RFX3: variants seen among roughly 807,000 people sequenced by gnomAD.
RFX3 encodes regulatory factor X3, also known as transcription factor RFX3.
RFX3 carries 14 observed loss-of-function variants against 98.6 expected under a neutral mutation model. That is an observed-to-expected ratio of 0.14 (90% CI 0.09 to 0.22). The LOEUF is 0.22. RFX3 is among the 10% of genes least tolerant of loss of function. The probability of loss-of-function intolerance (pLI) is 1.00; values close to 1 mark genes in which losing one functional copy is unlikely to be tolerated. For synonymous variants in RFX3, 383 were observed against 328.4 expected (o/e 1.17, Z -1.80); for missense variants, 639 against 926.9 (o/e 0.69, Z 4.03).
At chr9:3,455,687 T>C (rs1218221101) in intron 1 of RFX3, among the ~76,000 whole-genome samples, 1 of 152,204 alleles carries the variant, frequency 6.6e-6, no homozygotes, top group Non-Finnish European at 1.5e-5. Flanking sequence ...ATCTGAAAAG[T>C]TATTATTCTA....
At chr9:3,244,487 C>T (rs1820375912) in intron 15 of RFX3, among the ~76,000 whole-genome samples, 1 of 152,110 alleles carries the variant, frequency 6.6e-6, no homozygotes, top group Non-Finnish European at 1.5e-5. Context: ...TTGTCTGTTG[C>T]ATTTGACAGT....
chr9:3,364,127 G>A (rs1836780585), intron 2 of RFX3, among the ~76,000 whole-genome samples: 1 of 152,164 alleles, frequency 6.6e-6, no homozygotes, highest in Non-Finnish European at 1.5e-5. Context: ...GCGGGCCTCG[G>A]CCTCCCAAAG....
intron 7 of RFX3, among the ~76,000 whole-genome samples, chr9:3,279,541 A>T (rs897913343): frequency 6.6e-6 from 1 of 151,846 alleles, no homozygotes; most frequent in Admixed American, 6.6e-5. Context: ...TCTTTGTCCT[A>T]CAAAGCATTT....
At chr9:3,378,713 T>C (rs1838836626) in intron 2 of RFX3, among the ~76,000 whole-genome samples, 1 of 151,972 alleles carries the variant, frequency 6.6e-6, no homozygotes, top group Non-Finnish European at 1.5e-5. Context: ...TGCTCCACCA[T>C]GCCCATCTAA....
chr9:3,465,881 T>C (rs990861745), intron 1 of RFX3, among the ~76,000 whole-genome samples: 2 of 151,756 alleles, frequency 1.3e-5, no homozygotes, highest in African/African-American at 4.8e-5. Context: ...AAAATCAGGA[T>C]TTGAAAAAAA....
intron 1 of RFX3, among the ~76,000 whole-genome samples, chr9:3,401,242 G>A (rs1041482229): frequency 3.3e-5 from 5 of 152,298 alleles, no homozygotes; most frequent in African/African-American, 1.2e-4. Context: ...GAATGTTAAA[G>A]CATGTTTGAG....
At chr9:3,335,552 C>G (rs986823025) in intron 3 of RFX3, among the ~76,000 whole-genome samples, 2 of 152,144 alleles carry the variant, frequency 1.3e-5, no homozygotes, top group Admixed American at 1.3e-4. Context: ...CTGGACTGTA[C>G]ATTCCTGAAA....
At position 3,223,106 on chromosome 9, in the gene RFX3, T is replaced by A. The variant is rs958921529; in HGVS notation, c.*1936A>T. On this transcript the variant is annotated 3_prime_UTR_variant, in exon 17 of 17. Transcript: ENST00000617270. ...CCCAATACCACTGGAAAGATAAACA[T>A]CTTGGGTTTAATATAGGCCTCATTT... The A allele has an allele frequency of 2.0e-5, 3 of 147,826 alleles. No homozygotes were observed. Among genetic ancestry groups the A allele is most frequent in the Non-Finnish European group, 4.5e-5 (3 of 67,198 alleles). 9.2% of individuals were successfully genotyped at this position (147,826 alleles called of 1,614,324 possible).
intron 1 of RFX3, among the ~76,000 whole-genome samples, chr9:3,414,636 A>ATATATGAGTATATATATGTATATATGAG (rs1842744169): frequency 6.8e-6 from 1 of 146,544 alleles, no homozygotes; most frequent in African/African-American, 2.5e-5. Context: ...GAGTGTATAT[A>ATATATGAGTATATATATGTATATATGAG]TATATGAGTA....
At chr9:3,338,490 G>T (rs1400511773) in intron 3 of RFX3, among the ~76,000 whole-genome samples, 1 of 151,640 alleles carries the variant, frequency 6.6e-6, no homozygotes, top group African/African-American at 2.4e-5. Context: ...ATTTTGTAAG[G>T]ATCGGCACAT....
rs145371257 is a variant in RFX3 at position 3,294,400 on chromosome 9, A to G, written c.550-1142T>C. On this transcript the variant is annotated intron_variant, in intron 5 of 16. Transcript: ENST00000617270. ...TATTATAAATTATAGAAGCCAAAGA[A>G]TTCATTTATTGAGCACCAACCATGA... Among the ~76,000 whole-genome samples, 758 of 152,260 alleles carry G rather than the reference A, an allele frequency of 5.0e-3. 3 individuals carry two copies. Among genetic ancestry groups the G allele is most frequent in the Middle Eastern group, 0.01 (3 of 294 alleles).
chr9:3,225,114 G>A lies in RFX3; in HGVS notation c.2178C>T (p.Ser726=), dbSNP rs757220727. 266 of 1,613,850 alleles carry A rather than the reference G, an allele frequency of 1.6e-4. No homozygotes were observed. The highest frequency in any genetic ancestry group is 2.1e-4 in the Non-Finnish European group (253 of 1,179,942). Residue 726 remains serine (S), a synonymous_variant, in exon 17 of 17, where the codon AGC becomes AGT. Transcript: ENST00000617270. Reference sequence around the variant, plus strand: ...TCTGAGTACTTGTGACAATGTGCTCGCTGTGAATTGGATTCAGGAGGCTTG... The same window carrying A: ...TCTGAGTACTTGTGACAATGTGCTCACTGTGAATTGGATTCAGGAGGCTTG... The part of the protein sequence containing the change: ...VQPSLLNPIH[S]EHIVTSTQTI...
chr9:3,491,309 A>T (rs1053491739), intron 1 of RFX3, among the ~76,000 whole-genome samples: 5 of 152,162 alleles, frequency 3.3e-5, no homozygotes, highest in Admixed American at 6.5e-5. Context: ...AAATGTAATA[A>T]TCTACAATAA....
At chr9:3,483,292 C>T (rs566840804) in intron 1 of RFX3, among the ~76,000 whole-genome samples, 7 of 152,100 alleles carry the variant, frequency 4.6e-5, no homozygotes, top group Non-Finnish European at 8.8e-5. Flanking sequence ...CCCAGAGATG[C>T]CAAATATGCT....
intron 4 of RFX3, among the ~76,000 whole-genome samples, chr9:3,307,410 T>C (rs1413378438): frequency 2.0e-5 from 3 of 152,080 alleles, no homozygotes; most frequent in Non-Finnish European, 2.9e-5. Flanking sequence ...TAATTTGGGA[T>C]ATAATGTAGG....
chr9:3,325,819 T>C (rs1170861855), intron 4 of RFX3, among the ~76,000 whole-genome samples: 1 of 152,232 alleles, frequency 6.6e-6, no homozygotes, highest in South Asian at 2.1e-4. Context: ...TAAAATTCTA[T>C]AAATGATGTG....
chr9:3,243,337 A>AAG (rs1820210474), intron 15 of RFX3, among the ~76,000 whole-genome samples: 1 of 151,400 alleles, frequency 6.6e-6, no homozygotes, highest in Admixed American at 6.6e-5. Context: ...AGGCAAAAAA[A>AAG]AAAAACTCTA....
intron 1 of RFX3, among the ~76,000 whole-genome samples, chr9:3,501,439 T>C (rs1323173970): frequency 1.3e-5 from 2 of 152,138 alleles, no homozygotes; most frequent in African/African-American, 4.8e-5. Context: ...CATAAAAATA[T>C]TATTTCTCCT....
chr9:3,439,323 T>A (rs1007778892), intron 1 of RFX3, among the ~76,000 whole-genome samples: 6 of 151,838 alleles, frequency 4.0e-5, no homozygotes, highest in African/African-American at 1.4e-4. Context: ...AGGATCATGG[T>A]CAAATTCATT....
Sources: gnomAD v4.1 joint callset for allele counts (sites outside exome capture counted in the v4.1 genomes callset) on GRCh38, gnomAD v4.1.1 for gene constraint, MANE v1.5 for transcripts, NCBI Gene and HGNC (gene_info 2026-07-23, HGNC 2026-07-21) for gene names.